DIPK1A: variants seen among roughly 807,000 people sequenced by gnomAD.
DIPK1A encodes family with sequence similarity 69 member A.
Under a neutral mutation model 40.8 loss-of-function variants are expected in DIPK1A, and 27 were observed. That is an observed-to-expected ratio of 0.66 (90% CI 0.49 to 0.91). The LOEUF (loss-of-function observed/expected upper bound fraction) is 0.91, where lower values mean the gene tolerates loss of function less well. DIPK1A is among the 40% of genes least tolerant of loss of function. DIPK1A has a pLI of 0.00. For synonymous variants in DIPK1A, 166 were observed against 171.3 expected, an observed-to-expected ratio of 0.97 and a Z score of 0.24; for missense variants, 412 against 505.7, an observed-to-expected ratio of 0.81 and a Z score of 1.78.
At chr1:92,929,453 G>A (rs1310904514) in intron 1 of DIPK1A, among the ~76,000 whole-genome samples, 1 of 152,166 alleles carries the variant, frequency 6.6e-6, no homozygotes, top group African/African-American at 2.4e-5. Context: ...GCAGGTTTGG[G>A]CACTAATCTT....
chr1:92,949,930 C>G (rs946261219), intron 1 of DIPK1A, among the ~76,000 whole-genome samples: 1 of 152,132 alleles, frequency 6.6e-6, no homozygotes, highest in Admixed American at 6.5e-5. Context: ...TCTGCCCTAG[C>G]CACAAAAGAC....
At chr1:92,896,157 T>G (rs1649156354) in intron 1 of DIPK1A, among the ~76,000 whole-genome samples, 1 of 152,112 alleles carries the variant, frequency 6.6e-6, no homozygotes, top group Non-Finnish European at 1.5e-5. Flanking sequence ...AAAACTACTT[T>G]AAAGTTCATA....
intron 1 of DIPK1A, among the ~76,000 whole-genome samples, chr1:92,948,678 CATGT>C (rs1482928758): frequency 8.2e-6 from 1 of 122,078 alleles, no homozygotes; most frequent in African/African-American, 3.0e-5. Flanking sequence ...TGTATATATA[CATGT>C]ATATGTATAT....
rs113698829 is a variant in DIPK1A, at chr1:92,910,379, G to A, written c.55-33949C>T. Among the ~76,000 whole-genome samples, 1,238 of 152,146 alleles carry A rather than the reference G, an allele frequency of 8.1e-3. 13 individuals carry two copies. Among genetic ancestry groups the A allele is most frequent in the African/African-American group, 0.028 (1,167 of 41,492 alleles). The stretch of plus-strand genomic sequence containing the variant: ...CCCTAGACCTACTGAATCAGAATCC[G>A]TAGGGAGTAAGCCTGAGAACATGCA... On this transcript the variant is annotated intron_variant, in intron 1 of 4. Transcript: ENST00000370310.
intron 1 of DIPK1A, among the ~76,000 whole-genome samples, chr1:92,898,138 T>C (rs1352474898): frequency 1.4e-5 from 2 of 148,026 alleles, no homozygotes; most frequent in Non-Finnish European, 3.0e-5. Flanking sequence ...AAACAAGAGG[T>C]TTAATTGGCT....
chr1:92,882,065 A>G (rs1648401847), intron 1 of DIPK1A, among the ~76,000 whole-genome samples: 1 of 152,216 alleles, frequency 6.6e-6, no homozygotes, highest in Admixed American at 6.5e-5. Context: ...TAAAGCAAAT[A>G]TCTAAATAAC....
At chr1:92,865,837 T>C (rs1265115431) in intron 2 of DIPK1A, among the ~76,000 whole-genome samples, 1 of 152,214 alleles carries the variant, frequency 6.6e-6, no homozygotes, top group Non-Finnish European at 1.5e-5. Flanking sequence ...CTATAGTGAT[T>C]TCCAATGTTG....
chr1:92,833,496 T>G, intron 4 of DIPK1A: 2 of 1,606,682 alleles, frequency 1.2e-6, no homozygotes. Context: ...ATTAATCTGC[T>G]TTGCAGATGC....
At chr1:92,943,630 T>C (rs1651253331) in intron 1 of DIPK1A, among the ~76,000 whole-genome samples, 1 of 152,054 alleles carries the variant, frequency 6.6e-6, no homozygotes, top group African/African-American at 2.4e-5. Flanking sequence ...TGTGGGTATG[T>C]ATAGTCCAAC....
downstream of DIPK1A, chr1:92,842,102 A>T (rs554836367): frequency 2.5e-6 from 2 of 794,334 alleles, no homozygotes; most frequent in East Asian, 5.2e-5. Flanking sequence ...ATTATCCCTT[A>T]TGTTGTATGA....
intron 4 of DIPK1A, among the ~76,000 whole-genome samples, chr1:92,845,889 G>A (rs371250918): frequency 6.6e-6 from 1 of 151,956 alleles, no homozygotes; most frequent in Non-Finnish European, 1.5e-5. Flanking sequence ...CAGCTACTTG[G>A]GGGGCTGAGG....
chr1:92,835,933 A>G (rs1203863991), intron 4 of DIPK1A, among the ~76,000 whole-genome samples: 1 of 152,242 alleles, frequency 6.6e-6, no homozygotes, highest in East Asian at 1.9e-4. Flanking sequence ...TGATTGCTGC[A>G]TAAGTCAAGT....
At chr1:92,859,100 A>G (rs975180097) in intron 2 of DIPK1A, among the ~76,000 whole-genome samples, 7 of 152,188 alleles carry the variant, frequency 4.6e-5, no homozygotes, top group African/African-American at 1.2e-4. Context: ...AATTTCATCA[A>G]CTATGGAAAC....
At chr1:92,840,743 C>A, downstream of DIPK1A, 2 of 856,924 alleles carry the variant, frequency 2.3e-6, no homozygotes, top group Non-Finnish European at 4.0e-6. Flanking sequence ...ACTAGCTCTG[C>A]GTGATGTGGC....
At chr1:92,859,418 AAC>A (rs1220027505) in intron 2 of DIPK1A, among the ~76,000 whole-genome samples, 7 of 152,032 alleles carry the variant, frequency 4.6e-5, no homozygotes, top group Non-Finnish European at 8.8e-5. Context: ...CCCTGCCCGC[AAC>A]ACACACATCC....
Position 92,843,361 on chromosome 1 carries a change from A to G in DIPK1A, c.*22T>C. 1.4e-6 allele frequency: 2 copies of G among 1,469,674 alleles called. No individual in the cohort carries two copies. The highest frequency in any genetic ancestry group is 1.8e-6 in the Non-Finnish European group (2 of 1,110,294). The allele number at this position is 1,469,674 out of a possible 1,614,324, so 91.0% of individuals were successfully genotyped here. A position where few individuals can be genotyped will look rare whatever the true frequency, so the allele number is the denominator to read the frequency against. On this transcript the variant is annotated 3_prime_UTR_variant, in exon 5 of 5. Transcript: ENST00000370310. Reference sequence around the variant, plus strand: ...CTTTAAAAGTGGCAGGTTTCTTAAAATGGTAATTATGTCCAAATGAACTAA... The same window carrying G: ...CTTTAAAAGTGGCAGGTTTCTTAAAGTGGTAATTATGTCCAAATGAACTAA...
Position 92,843,299 on chromosome 1 carries a change from A to C in DIPK1A, c.*84T>G, listed in dbSNP as rs938392716. The C allele has an allele frequency of 8.0e-5, 116 of 1,455,266 alleles. No individual in the cohort carries two copies. The highest frequency in any genetic ancestry group is 9.8e-5 in the Non-Finnish European group (108 of 1,105,632). 90.1% of individuals were successfully genotyped at this position (1,455,266 alleles called of 1,614,324 possible). Reference sequence around the variant, plus strand: ...GAAGGAGTTTTGTGTAACTGGCCGGAATTTGAAGCCATTTTTTTTTAATGC... The same window carrying C: ...GAAGGAGTTTTGTGTAACTGGCCGGCATTTGAAGCCATTTTTTTTTAATGC... On this transcript the variant is annotated 3_prime_UTR_variant, in exon 5 of 5. Coordinates refer to ENST00000370310, the MANE Select transcript of DIPK1A (RefSeq NM_001006605.5).
intron 1 of DIPK1A, among the ~76,000 whole-genome samples, chr1:92,960,928 A>C (rs1158570424): frequency 1.3e-5 from 2 of 152,258 alleles, no homozygotes; most frequent in African/African-American, 4.8e-5. Flanking sequence ...CACCGACTTA[A>C]GACCCAAGAC....
intron 2 of DIPK1A, among the ~76,000 whole-genome samples, chr1:92,857,325 T>TC (rs1688018570): frequency 6.6e-6 from 1 of 151,926 alleles, no homozygotes; most frequent in African/African-American, 2.4e-5. Flanking sequence ...ATATTGTTTT[T>TC]TTTTTTTTTT....
Sources: allele counts gnomAD v4.1 joint callset (sites outside exome capture counted in the v4.1 genomes callset), GRCh38; gene constraint gnomAD v4.1.1; transcripts MANE v1.5; gene names NCBI Gene and HGNC (gene_info 2026-07-23, HGNC 2026-07-21).